The following GPC5 variants were observed in gnomAD, a reference collection of about 807,000 sequenced individuals.
The protein encoded by GPC5 is glypican 5.
Under a neutral mutation model 53.9 loss-of-function variants are expected in GPC5, and 47 were observed. The observed-to-expected ratio is 0.87, with a 90% confidence interval of 0.69 to 1.11. The LOEUF (loss-of-function observed/expected upper bound fraction) is 1.11, where lower values mean the gene tolerates loss of function less well. Ranked by LOEUF, GPC5 falls within the 50% of genes most tolerant of loss-of-function variation. The pLI, the probability that GPC5 is intolerant of heterozygous loss-of-function variation, is 0.00. For synonymous variants in GPC5, 286 were observed against 263.3 expected (o/e 1.09, Z -0.84); for missense variants, 748 against 713.1 (o/e 1.05, Z -0.56).
At chr13:91,774,030 C>T (rs192012826) in intron 5 of GPC5, among the ~76,000 whole-genome samples, 1 of 152,238 alleles carries the variant, frequency 6.6e-6, no homozygotes, top group Admixed American at 6.5e-5. Context: ...CTTGCAAATG[C>T]ATTGCTTTTC....
At chr13:91,562,542 C>T (rs572445070) in intron 2 of GPC5, among the ~76,000 whole-genome samples, 41 of 151,820 alleles carry the variant, frequency 2.7e-4, no homozygotes, top group African/African-American at 9.2e-4. Context: ...GCAATCTCTG[C>T]GTCCCAGGTT....
intron 7 of GPC5, among the ~76,000 whole-genome samples, chr13:92,229,272 CATA>C (rs1243243819): frequency 1.3e-5 from 2 of 151,934 alleles, no homozygotes; most frequent in Non-Finnish European, 2.9e-5. Context: ...ATGAAATACT[CATA>C]ATAATTTTAA....
At chr13:91,850,452 C>T (rs2038899887) in intron 5 of GPC5, among the ~76,000 whole-genome samples, 2 of 152,000 alleles carry the variant, frequency 1.3e-5, no homozygotes, top group African/African-American at 4.8e-5. Flanking sequence ...CTTAATAAAC[C>T]CACTAAAGGG....
At chr13:91,484,783 A>G (rs1266756923) in intron 2 of GPC5, among the ~76,000 whole-genome samples, 2 of 152,232 alleles carry the variant, frequency 1.3e-5, no homozygotes, top group East Asian at 1.9e-4. Flanking sequence ...AAAGCCCTCT[A>G]GAAATGGAAA....
At chr13:91,508,279 A>G (rs1885052531) in intron 2 of GPC5, among the ~76,000 whole-genome samples, 1 of 152,188 alleles carries the variant, frequency 6.6e-6, no homozygotes, top group Admixed American at 6.6e-5. Context: ...GCATTTAAAG[A>G]ATGGAGGTAT....
intron 7 of GPC5, among the ~76,000 whole-genome samples, chr13:92,729,183 A>C (rs554336571): frequency 6.6e-6 from 1 of 151,394 alleles, no homozygotes; most frequent in South Asian, 2.1e-4. Flanking sequence ...GTCTCTAATC[A>C]AATGTGATCT....
chr13:92,706,177 C>A (rs1207808739), intron 7 of GPC5: 1 of 152,050 alleles, frequency 6.6e-6, no homozygotes, highest in Non-Finnish European at 1.5e-5. Flanking sequence ...CCTTTAATAT[C>A]TCTTTTCCTT....
intron 3 of GPC5, among the ~76,000 whole-genome samples, chr13:91,701,866 C>A (rs1003849171): frequency 6.6e-6 from 1 of 152,028 alleles, no homozygotes; most frequent in East Asian, 1.9e-4. Context: ...TTTGAGGAAC[C>A]ACTGCACTTT....
At chr13:92,162,308 T>A (rs2041995800) in intron 7 of GPC5, among the ~76,000 whole-genome samples, 1 of 152,154 alleles carries the variant, frequency 6.6e-6, no homozygotes, top group African/African-American at 2.4e-5. Context: ...ATCCATTCAT[T>A]TATTCATTCA....
chr13:92,668,466 A>C (rs1364913657), intron 7 of GPC5, among the ~76,000 whole-genome samples: 1 of 152,176 alleles, frequency 6.6e-6, no homozygotes, highest in Non-Finnish European at 1.5e-5. Context: ...ATTCAGCAAG[A>C]GAATGTTTCA....
intron 6 of GPC5, among the ~76,000 whole-genome samples, chr13:92,052,326 G>A (rs901339181): frequency 3.3e-5 from 5 of 152,130 alleles, no homozygotes; most frequent in Non-Finnish European, 5.9e-5. Context: ...ATGGACCTTC[G>A]CAGTGAGTGT....
intron 7 of GPC5, among the ~76,000 whole-genome samples, chr13:92,249,756 G>A (rs7983503): frequency 3.3e-5 from 5 of 151,948 alleles, no homozygotes; most frequent in African/African-American, 9.7e-5. Flanking sequence ...ATCTATGTTG[G>A]TTGTTTAATT....
At chr13:91,786,562 GTGGC>G (rs2037882486) in intron 5 of GPC5, among the ~76,000 whole-genome samples, 1 of 152,024 alleles carries the variant, frequency 6.6e-6, no homozygotes, top group Non-Finnish European at 1.5e-5. Context: ...CTCTGGGTTT[GTGGC>G]TTGCCTTTCC....
At chr13:91,835,189 C>T (rs1219666435) in intron 5 of GPC5, among the ~76,000 whole-genome samples, 1 of 152,068 alleles carries the variant, frequency 6.6e-6, no homozygotes, top group African/African-American at 2.4e-5. Context: ...CAATGAGAAA[C>T]CATCTCATGC....
chr13:91,548,246 C>G (rs1252605026), intron 2 of GPC5, among the ~76,000 whole-genome samples: 2 of 152,124 alleles, frequency 1.3e-5, no homozygotes, highest in African/African-American at 4.8e-5. Context: ...ACACCTGGAA[C>G]TAATAATCAA....
chr13:92,524,881 C>A (rs1405280514), intron 7 of GPC5, among the ~76,000 whole-genome samples: 2 of 152,068 alleles, frequency 1.3e-5, no homozygotes, highest in African/African-American at 2.4e-5. Context: ...GAATTCAACA[C>A]AAGATATGGA....
intron 7 of GPC5, among the ~76,000 whole-genome samples, chr13:92,773,201 T>C (rs572013117): frequency 6.6e-6 from 1 of 152,296 alleles, no homozygotes; most frequent in Non-Finnish European, 1.5e-5. Flanking sequence ...TTCTCTTTAA[T>C]ACTTACTATC....
At chr13:92,708,526 T>C (rs1594440584) in intron 7 of GPC5, among the ~76,000 whole-genome samples, 2 of 152,276 alleles carry the variant, frequency 1.3e-5, no homozygotes, top group East Asian at 3.9e-4. Context: ...CATACTTCAA[T>C]GGATAAGTCA....
At chr13:92,523,731 A>G (rs1315706380) in intron 7 of GPC5, among the ~76,000 whole-genome samples, 2 of 152,110 alleles carry the variant, frequency 1.3e-5, no homozygotes, top group African/African-American at 4.8e-5. Flanking sequence ...TTTGTATTAT[A>G]GTATCAATAC....
Sources: allele counts gnomAD v4.1 joint callset (sites outside exome capture counted in the v4.1 genomes callset), GRCh38; gene constraint gnomAD v4.1.1; transcripts MANE v1.5; gene names NCBI Gene and HGNC (gene_info 2026-07-23, HGNC 2026-07-21).